RABGAP1L: variants seen among roughly 807,000 people sequenced by gnomAD.
RABGAP1L encodes RAB GTPase activating protein 1 like.
A neutral mutation model predicts 137.7 loss-of-function variants in RABGAP1L; 63 were observed. The ratio of observed to expected loss-of-function variants is 0.46; its 90% CI spans 0.37 to 0.56. The LOEUF (loss-of-function observed/expected upper bound fraction) is 0.56, where lower values mean the gene tolerates loss of function less well. Ranked by LOEUF, RABGAP1L falls within the 20% of genes least tolerant of loss-of-function variation. RABGAP1L has a pLI of 0.00. For synonymous variants in RABGAP1L, 431 were observed against 433.7 expected, an observed-to-expected ratio of 0.99 and a Z score of 0.08; for missense variants, 1,095 against 1,244.0, an observed-to-expected ratio of 0.88 and a Z score of 1.80.
chr1:174,312,669 T>C (rs1277889862), intron 11 of RABGAP1L, among the ~76,000 whole-genome samples: 1 of 152,144 alleles, frequency 6.6e-6, no homozygotes. Context: ...CCCATGAAAT[T>C]TTTGCCTAGA....
At chr1:174,726,246 T>G (rs1681970521) in intron 17 of RABGAP1L, among the ~76,000 whole-genome samples, 2 of 151,962 alleles carry the variant, frequency 1.3e-5, no homozygotes, top group South Asian at 2.1e-4. Context: ...TATTGTGACT[T>G]TTGGGCTAAC....
chr1:174,695,122 GC>G (rs1389577107), intron 15 of RABGAP1L, among the ~76,000 whole-genome samples: 1 of 152,052 alleles, frequency 6.6e-6, no homozygotes, highest in Non-Finnish European at 1.5e-5. Context: ...TGAGTAGGTT[GC>G]GAAAATTTTC....
chr1:174,219,396 T>A (rs1357928635), intron 2 of RABGAP1L, 101 bp downstream of exon 2: 1 of 794,004 alleles, frequency 1.3e-6, no homozygotes, highest in African/African-American at 1.8e-5. Flanking sequence ...GTGCTGACTT[T>A]CAAAATAAAA....
chr1:174,252,317 A>G, intron 6 of RABGAP1L, 163 bp from the exon 7 acceptor site: 1 of 734,146 alleles, frequency 1.4e-6, no homozygotes, highest in Non-Finnish European at 2.1e-6. Flanking sequence ...ATAGTCAAAT[A>G]AAATTAATAG....
intron 12 of RABGAP1L, among the ~76,000 whole-genome samples, chr1:174,372,353 C>T (rs1266100378): frequency 6.6e-6 from 1 of 151,990 alleles, no homozygotes; most frequent in Admixed American, 6.6e-5. Flanking sequence ...ATTATTCATA[C>T]AGGGCTGGTG....
intron 17 of RABGAP1L, among the ~76,000 whole-genome samples, chr1:174,721,185 T>C (rs1335045908): frequency 6.6e-6 from 1 of 152,222 alleles, no homozygotes; most frequent in African/African-American, 2.4e-5. Context: ...AGTTATGTGG[T>C]ATTACTTTCT....
rs559481821 is a variant in RABGAP1L, at chr1:174,201,000, C to A, written c.-33-18125C>A. Among the ~76,000 whole-genome samples, 79 of 152,274 alleles carry A rather than the reference C, an allele frequency of 5.2e-4. No homozygotes were observed. The Middle Eastern group carries it at 0.02, about 39-fold the overall frequency. ...CTTCAGTAGCAACCACCAGGGCCGT[C>A]GTTTTACATGTCACTTTTCTTTCAT... On this transcript the variant is annotated intron_variant, in intron 1 of 25. Coordinates refer to ENST00000681986, the MANE Select transcript of RABGAP1L (RefSeq NM_001366446.1).
chr1:174,531,043 A>C (rs543791703), intron 13 of RABGAP1L, among the ~76,000 whole-genome samples: 1 of 152,218 alleles, frequency 6.6e-6, no homozygotes, highest in African/African-American at 2.4e-5. Context: ...CTTGCTACAC[A>C]TAACCCCATG....
chr1:174,551,068 G>A (rs993549225), intron 13 of RABGAP1L, among the ~76,000 whole-genome samples: 13 of 136,940 alleles, frequency 9.5e-5, no homozygotes, highest in Non-Finnish European at 6.1e-5. Context: ...AATTAGCCTG[G>A]CATGGTGGCA....
chr1:174,622,663 A>G (rs1231629864), intron 13 of RABGAP1L, among the ~76,000 whole-genome samples: 1 of 152,190 alleles, frequency 6.6e-6, no homozygotes, highest in East Asian at 1.9e-4. Context: ...ATGAGAACAC[A>G]TGGACACAGG....
chr1:174,876,856 A>AT (rs556503114), intron 19 of RABGAP1L, among the ~76,000 whole-genome samples: 3,677 of 151,996 alleles, frequency 0.024, 61 homozygotes, highest in Middle Eastern at 0.085. Context: ...ATGTTTTGGC[A>AT]TTTTTTTCTT....
chr1:174,258,506 C>G (rs1673308384), intron 7 of RABGAP1L, among the ~76,000 whole-genome samples: 1 of 152,128 alleles, frequency 6.6e-6, no homozygotes, highest in Admixed American at 6.5e-5. Flanking sequence ...CCAGGCTGGT[C>G]TTGAACTCCT....
chr1:174,875,561 C>T lies in RABGAP1L; in HGVS notation c.2340+63601C>T, dbSNP rs1056618604. 4.1e-6 allele frequency: 4 copies of T among 985,276 alleles called. No homozygotes were observed. In the African/African-American group the frequency reaches 5.2e-5, roughly 13 times the overall value. The allele number at this position is 985,276 out of a possible 1,614,324, so 61.0% of individuals were successfully genotyped here. On this transcript the variant is annotated intron_variant, in intron 19 of 25. Coordinates refer to ENST00000681986, the MANE Select transcript of RABGAP1L (RefSeq NM_001366446.1). ...ATCCATGTGTGGAAGCTCTGAGTCA[C>T]TGAATAGCAAAGAAAAATATGAAAG...
At chr1:174,470,847 A>G (rs1288262253) in intron 13 of RABGAP1L, among the ~76,000 whole-genome samples, 1 of 152,186 alleles carries the variant, frequency 6.6e-6, no homozygotes. Context: ...ATTTTTACAT[A>G]AATTAAATCC....
At chr1:174,896,271 C>T (rs528438290) in intron 19 of RABGAP1L, among the ~76,000 whole-genome samples, 1,791 of 152,276 alleles carry the variant, frequency 0.012, 50 homozygotes, top group African/African-American at 0.041. Flanking sequence ...ATATCCTTCA[C>T]CCACTTTTTG....
intron 15 of RABGAP1L, among the ~76,000 whole-genome samples, chr1:174,688,427 T>C (rs1678635925): frequency 6.6e-6 from 1 of 152,124 alleles, no homozygotes; most frequent in Admixed American, 6.6e-5. Context: ...AGAAGGATTA[T>C]GTTTGAATAA....
At chr1:174,270,233 T>C (rs1674440159) in intron 7 of RABGAP1L, among the ~76,000 whole-genome samples, 1 of 151,514 alleles carries the variant, frequency 6.6e-6, no homozygotes, top group Non-Finnish European at 1.5e-5. Flanking sequence ...GATTAGTGCA[T>C]TAAAGATTAT....
At chr1:174,586,453 G>C (rs1031950181) in intron 13 of RABGAP1L, among the ~76,000 whole-genome samples, 1 of 151,964 alleles carries the variant, frequency 6.6e-6, no homozygotes, top group East Asian at 1.9e-4. Flanking sequence ...TTAATACCTA[G>C]GTGATGGGTT....
intron 13 of RABGAP1L, among the ~76,000 whole-genome samples, chr1:174,504,541 A>G (rs948132130): frequency 2.6e-5 from 4 of 152,186 alleles, no homozygotes; most frequent in Non-Finnish European, 5.9e-5. Flanking sequence ...CCATAGACCA[A>G]TAAAACAGAA....
Sources: gnomAD v4.1 joint callset for allele counts (sites outside exome capture counted in the v4.1 genomes callset) on GRCh38, gnomAD v4.1.1 for gene constraint, MANE v1.5 for transcripts, NCBI Gene and HGNC (gene_info 2026-07-23, HGNC 2026-07-21) for gene names.